The following SPRED1 variants were observed in gnomAD, a reference collection of about 807,000 sequenced individuals.
SPRED1 encodes sprouty related EVH1 domain containing 1.
SPRED1 carries 18 observed loss-of-function variants against 52.3 expected under a neutral mutation model. The ratio of observed to expected loss-of-function variants is 0.34; its 90% CI spans 0.24 to 0.51. The LOEUF (loss-of-function observed/expected upper bound fraction) is 0.51, where lower values mean the gene tolerates loss of function less well. SPRED1 is among the 20% of genes least tolerant of loss of function. The pLI, the probability that SPRED1 is intolerant of heterozygous loss-of-function variation, is 0.97. For synonymous variants in SPRED1, 155 were observed against 179.7 expected (o/e 0.86, Z 1.10); for missense variants, 485 against 551.0 (o/e 0.88, Z 1.20).
chr15:38,298,459 T>C, intron 1 of SPRED1: 1 of 278,076 alleles, frequency 3.6e-6, no homozygotes, highest in South Asian at 3.2e-5. Context: ...TGCCTGTCCA[T>C]GTAAGAAAGA....
rs1888601937 is a variant in SPRED1, at chr15:38,355,637, T to G, written c.*3973T>G. 6.6e-6 allele frequency: 1 copy of G among 152,238 alleles called. No individual in the cohort carries two copies. The highest frequency in any genetic ancestry group is 2.4e-5 in the African/African-American group (1 of 41,466). The allele number at this position is 152,238 out of a possible 1,614,324, so 9.4% of individuals were successfully genotyped here. On this transcript the variant is annotated 3_prime_UTR_variant, in exon 7 of 7. Transcript: ENST00000299084. ...ATGTGTTAAATTGGGTTTTTAATTG[T>G]AGCCCAAAGGTGCATTAAGCAAGTG...
chr15:38,300,970 A>AT (rs1439753038), intron 2 of SPRED1, among the ~76,000 whole-genome samples: 1 of 152,072 alleles, frequency 6.6e-6, no homozygotes, highest in Non-Finnish European at 1.5e-5. Flanking sequence ...AATCTAAGGC[A>AT]TTTTTTTCTA....
intron 2 of SPRED1, among the ~76,000 whole-genome samples, chr15:38,302,035 A>G (rs1895158433): frequency 6.6e-6 from 1 of 151,182 alleles, no homozygotes; most frequent in African/African-American, 2.4e-5. Context: ...GTTGCTGAAA[A>G]CTGTTCTGTA....
At chr15:38,278,337 G>A (rs1894604883) in intron 1 of SPRED1, among the ~76,000 whole-genome samples, 1 of 152,090 alleles carries the variant, frequency 6.6e-6, no homozygotes, top group Non-Finnish European at 1.5e-5. Flanking sequence ...TAAAAAATTA[G>A]CCTGGTGTGG....
intron 1 of SPRED1, among the ~76,000 whole-genome samples, chr15:38,253,573 T>G (rs528809002): frequency 6.6e-6 from 1 of 152,294 alleles, no homozygotes; most frequent in South Asian, 2.1e-4. Flanking sequence ...ATACCTTCAG[T>G]ATCCATCCTA....
intron 1 of SPRED1, among the ~76,000 whole-genome samples, chr15:38,287,974 G>A (rs1290614209): frequency 6.6e-6 from 1 of 152,048 alleles, no homozygotes; most frequent in African/African-American, 2.4e-5. Flanking sequence ...AGTACTCCTG[G>A]TTCCTGGAAA....
chr15:38,269,654 G>A (rs1400430915), intron 1 of SPRED1, among the ~76,000 whole-genome samples: 1 of 152,114 alleles, frequency 6.6e-6, no homozygotes, highest in Non-Finnish European at 1.5e-5. Context: ...ACTTCCATTT[G>A]CTGCCAGTTG....
chr15:38,259,790 T>C (rs1396726553), intron 1 of SPRED1, among the ~76,000 whole-genome samples: 1 of 152,242 alleles, frequency 6.6e-6, no homozygotes, highest in Admixed American at 6.5e-5. Flanking sequence ...AATTTTGTTA[T>C]TCTTTAATGT....
At chr15:38,271,437 GT>G (rs1291973337) in intron 1 of SPRED1, among the ~76,000 whole-genome samples, 1 of 152,082 alleles carries the variant, frequency 6.6e-6, no homozygotes, top group Non-Finnish European at 1.5e-5. Context: ...TTGCTCTTAG[GT>G]TTGACAGTCA....
intron 4 of SPRED1, among the ~76,000 whole-genome samples, chr15:38,330,064 ATG>A (rs1220163840): frequency 6.6e-6 from 1 of 152,212 alleles, no homozygotes; most frequent in African/African-American, 2.4e-5. Context: ...TTGAAGATTT[ATG>A]TGTTAGCAGG....
chr15:38,317,151 A>G (rs1436325457), intron 2 of SPRED1, among the ~76,000 whole-genome samples: 2 of 151,942 alleles, frequency 1.3e-5, no homozygotes, highest in Middle Eastern at 3.2e-3. Context: ...CACACCCACA[A>G]CTAATTAATA....
intron 1 of SPRED1, among the ~76,000 whole-genome samples, chr15:38,254,359 C>T (rs565580729): frequency 2.0e-5 from 3 of 152,282 alleles, no homozygotes; most frequent in African/African-American, 4.8e-5. Flanking sequence ...CTCCCTTACT[C>T]CCTCCCCACC....
At chr15:38,325,797 T>C (rs1281265964) in intron 4 of SPRED1, among the ~76,000 whole-genome samples, 1 of 152,184 alleles carries the variant, frequency 6.6e-6, no homozygotes, top group African/African-American at 2.4e-5. Flanking sequence ...TGACCAGTTG[T>C]GGCATGTTTT....
rs934975709 is a variant in SPRED1 at position 38,357,049 on chromosome 15, A to C, written c.*5385A>C. 1 of 152,196 alleles carries C rather than the reference A, an allele frequency of 6.6e-6. No individual in the cohort carries two copies. The highest frequency in any genetic ancestry group is 1.5e-5 in the Non-Finnish European group (1 of 68,018). 9.4% of individuals were successfully genotyped at this position (152,196 alleles called of 1,614,324 possible). ...AGTAGAATAGCTTTTATAACAAGGA[A>C]ATTGAAACTAGGGTTCTAGCTTGGC... On this transcript the variant is annotated 3_prime_UTR_variant, in exon 7 of 7. Transcript: ENST00000299084.
rs1894013235 is a variant in SPRED1 at position 38,253,079 on chromosome 15, C to T, written c.-107C>T. ...CCATGGTGAGGCCCCTGTGCCGCTG[C>T]CCCCGCGCCCCCCCGGCCGCCGCTG... On this transcript the variant is annotated 5_prime_UTR_variant, in exon 1 of 7. Coordinates refer to ENST00000299084, the MANE Select transcript of SPRED1 (RefSeq NM_152594.3). 1.1e-6 allele frequency: 1 copy of T among 916,962 alleles called. No individual in the cohort carries two copies. The highest frequency in any genetic ancestry group is 1.7e-6 in the Non-Finnish European group (1 of 577,546). The allele number at this position is 916,962 out of a possible 1,614,324, so 56.8% of individuals were successfully genotyped here.
At chr15:38,269,250 CT>C (rs1279441528) in intron 1 of SPRED1, among the ~76,000 whole-genome samples, 2 of 151,306 alleles carry the variant, frequency 1.3e-5, no homozygotes, top group African/African-American at 4.9e-5. Flanking sequence ...CCAGTACTAA[CT>C]TTTTTTTAAG....
At chr15:38,271,247 A>G (rs1398151996) in intron 1 of SPRED1, among the ~76,000 whole-genome samples, 1 of 152,234 alleles carries the variant, frequency 6.6e-6, no homozygotes, top group African/African-American at 2.4e-5. Context: ...TTTTAATTCA[A>G]AGTCATGTGT....
At chr15:38,324,435 C>T (rs1295623075) in intron 3 of SPRED1, among the ~76,000 whole-genome samples, 2 of 152,104 alleles carry the variant, frequency 1.3e-5, no homozygotes, top group Non-Finnish European at 2.9e-5. Context: ...CTTAGCATCA[C>T]CAGAGCAATG....
chr15:38,288,270 A>G (rs1162479721), intron 1 of SPRED1, among the ~76,000 whole-genome samples: 1 of 152,192 alleles, frequency 6.6e-6, no homozygotes, highest in Non-Finnish European at 1.5e-5. Flanking sequence ...GTTTACAACT[A>G]AACTTTCATA....
Sources: gnomAD v4.1 joint callset for allele counts (sites outside exome capture counted in the v4.1 genomes callset) on GRCh38, gnomAD v4.1.1 for gene constraint, MANE v1.5 for transcripts, NCBI Gene and HGNC (gene_info 2026-07-23, HGNC 2026-07-21) for gene names.